NDFIP2: variants seen among roughly 807,000 people sequenced by gnomAD.
The protein encoded by NDFIP2 is Nedd4 family interacting protein 2, also known as NEDD4 family-interacting protein 2.
A neutral mutation model predicts 36.0 loss-of-function variants in NDFIP2; 19 were observed. That is an observed-to-expected ratio of 0.53 (90% CI 0.37 to 0.77). The LOEUF is 0.77. Ranked by LOEUF, NDFIP2 falls within the 30% of genes least tolerant of loss-of-function variation. NDFIP2 has a pLI of 0.00. For missense variants in NDFIP2, 446 were observed against 435.8 expected (o/e 1.02, Z -0.21); for synonymous variants, 181 against 167.7 (o/e 1.08, Z -0.61).
intron 2 of NDFIP2, among the ~76,000 whole-genome samples, chr13:79,529,103 TGTGTCA>T (rs1874912552): frequency 6.6e-6 from 1 of 152,200 alleles, no homozygotes; most frequent in Non-Finnish European, 1.5e-5. Context: ...ACAGCCCTGC[TGTGTCA>T]GTTTTATGGA....
chr13:79,484,311 G>A (rs1467766575), intron 1 of NDFIP2, among the ~76,000 whole-genome samples: 10 of 152,238 alleles, frequency 6.6e-5, no homozygotes, highest in African/African-American at 1.9e-4. Context: ...CACAGAGCCC[G>A]GCCAAAGTTC....
intron 1 of NDFIP2, among the ~76,000 whole-genome samples, chr13:79,489,874 T>A (rs2140732575): frequency 6.6e-6 from 1 of 152,346 alleles, no homozygotes; most frequent in South Asian, 2.1e-4. Context: ...TATAATTGTT[T>A]CATGAAAGCA....
In NDFIP2 at chr13:79,481,415, C is replaced by T. The variant is rs371311268; in HGVS notation, c.212C>T (p.Thr71Met). Reference protein sequence around the residue: ...GRGPAATTSSTGVAVGAEHGE... With the variant: ...GRGPAATTSSMGVAVGAEHGE... ...GGCCCTGCGGCGACGACGTCGTCGACGGGGGTGGCCGTGGGAGCTGAGCAC... is the reference window on the plus strand; with the variant it reads ...GGCCCTGCGGCGACGACGTCGTCGATGGGGGTGGCCGTGGGAGCTGAGCAC... The change falls in exon 1 of 8, where the codon ACG becomes ATG. Residue 71 changes from threonine (T) to methionine (M), a missense_variant. This residue lies in a region of NDFIP2 where 369 missense variants were observed against 304.8 expected (regional missense o/e 1.21). Transcript: ENST00000218652. 3 of 1,557,560 alleles carry T rather than the reference C, an allele frequency of 1.9e-6. No homozygotes were observed. The highest frequency in any genetic ancestry group is 1.7e-6 in the Non-Finnish European group (2 of 1,150,500).
chr13:79,547,312 G>A (rs1378744044), intron 5 of NDFIP2, among the ~76,000 whole-genome samples: 1 of 151,978 alleles, frequency 6.6e-6, no homozygotes, highest in Non-Finnish European at 1.5e-5. Flanking sequence ...TACTTATAAA[G>A]TTACAAATAC....
chr13:79,530,057 A>G (rs752864414), intron 2 of NDFIP2, among the ~76,000 whole-genome samples: 30 of 152,240 alleles, frequency 2.0e-4, no homozygotes, highest in Non-Finnish European at 3.7e-4. Flanking sequence ...GTGAGTCATA[A>G]TCTTTTTCCT....
rs1454505674 is a variant in NDFIP2 at position 79,486,635 on chromosome 13, A to G, written c.321+5111A>G. Among the ~76,000 whole-genome samples, 3 of 152,238 alleles carry G rather than the reference A, an allele frequency of 2.0e-5. 1 individual carries two copies. The highest frequency in any genetic ancestry group is 4.4e-5 in the Non-Finnish European group (3 of 68,034). On this transcript the variant is annotated intron_variant, in intron 1 of 7. Transcript: ENST00000218652. ...GTAACCCAAACCACCTTTGACATGT[A>G]GAGCAGAGATCAGCAAACTGTGGTC... is the stretch of plus-strand genomic sequence containing the variant.
At chr13:79,551,631 GTTA>G (rs1228340301) in intron 7 of NDFIP2, among the ~76,000 whole-genome samples, 1 of 151,486 alleles carries the variant, frequency 6.6e-6, no homozygotes, top group African/African-American at 2.4e-5. Context: ...AAATAGTTCT[GTTA>G]TTGTTTTCTT....
At chr13:79,501,302 T>G (rs1370257664) in intron 1 of NDFIP2, among the ~76,000 whole-genome samples, 1 of 152,014 alleles carries the variant, frequency 6.6e-6, no homozygotes, top group African/African-American at 2.4e-5. Context: ...ATGTAAACTA[T>G]AGACTTTGGG....
At chr13:79,538,593 T>C (rs963185590) in intron 3 of NDFIP2, among the ~76,000 whole-genome samples, 2 of 152,100 alleles carry the variant, frequency 1.3e-5, no homozygotes, top group African/African-American at 4.8e-5. Context: ...AGTTCCAAGA[T>C]AATATTTTTT....
chr13:79,488,571 G>A (rs1277716713), intron 1 of NDFIP2, among the ~76,000 whole-genome samples: 1 of 152,074 alleles, frequency 6.6e-6, no homozygotes, highest in Non-Finnish European at 1.5e-5. Context: ...ATGTTTTTGA[G>A]TGCCCTTTGT....
intron 1 of NDFIP2, among the ~76,000 whole-genome samples, chr13:79,486,774 A>T (rs1259835531): frequency 6.6e-6 from 1 of 152,194 alleles, no homozygotes; most frequent in East Asian, 1.9e-4. Flanking sequence ...TCAATGAGGG[A>T]CCTTATATAC....
chr13:79,539,685 C>G lies in NDFIP2; in HGVS notation c.625C>G (p.Gln209Glu). The G allele has an allele frequency of 6.2e-7, 1 of 1,612,192 alleles. No individual in the cohort carries two copies. Among genetic ancestry groups the G allele is most frequent in the Non-Finnish European group, 8.5e-7 (1 of 1,178,586 alleles). The change falls in exon 4 of 8, where the codon CAG becomes GAG. Residue 209 changes from glutamine to glutamate, a missense_variant. Gln to Glu is a conservative substitution (Grantham distance 29). Around this residue, in one of 2 missense-constraint regions of NDFIP2, gnomAD observed 369 missense variants for 304.8 expected, o/e 1.21. Coordinates refer to ENST00000218652, the MANE Select transcript of NDFIP2 (RefSeq NM_019080.3). ...AAAAETSQRI[Q>E]EEECPPRDDF... is the part of the protein sequence containing the mutation. ...TTCCAATGTTACATATTTACAGATTCAGGAGGAAGAGTGTCCACCAAGAGA... is the reference window on the plus strand; with the variant it reads ...TTCCAATGTTACATATTTACAGATTGAGGAGGAAGAGTGTCCACCAAGAGA...
intron 4 of NDFIP2, 137 bp downstream of exon 4, chr13:79,539,912 G>C (rs1875391119): frequency 1.5e-6 from 1 of 662,098 alleles, no homozygotes; most frequent in Non-Finnish European, 2.6e-6. Context: ...CCTGATATTG[G>C]ACTAATGAAT....
chr13:79,513,175 AT>A (rs1425409028), intron 1 of NDFIP2, among the ~76,000 whole-genome samples: 1 of 152,184 alleles, frequency 6.6e-6, no homozygotes, highest in East Asian at 1.9e-4. Context: ...GAGTATCCTG[AT>A]TAATGTAGTT....
At chr13:79,537,049 A>ATTT (rs78520083) in intron 3 of NDFIP2, among the ~76,000 whole-genome samples, 2 of 146,870 alleles carry the variant, frequency 1.4e-5, no homozygotes, top group South Asian at 4.3e-4. Flanking sequence ...TCTTGTCTTA[A>ATTT]TTTTTTTTTT....
chr13:79,486,728 T>C (rs1594837933), intron 1 of NDFIP2, among the ~76,000 whole-genome samples: 2 of 152,292 alleles, frequency 1.3e-5, no homozygotes, highest in East Asian at 3.9e-4. Flanking sequence ...GGTGGTAGGG[T>C]TGAGGACATT....
intron 6 of NDFIP2, among the ~76,000 whole-genome samples, chr13:79,550,572 T>A (rs1414156): frequency 1.3e-5 from 2 of 150,816 alleles, no homozygotes; most frequent in Non-Finnish European, 3.0e-5. Flanking sequence ...TTTTTCCTCA[T>A]AATTGTTAGT....
At chr13:79,498,904 C>T (rs1289150313) in intron 1 of NDFIP2, among the ~76,000 whole-genome samples, 1 of 151,942 alleles carries the variant, frequency 6.6e-6, no homozygotes, top group Non-Finnish European at 1.5e-5. Context: ...AAGGCTAACT[C>T]ATTCTCTGAG....
At chr13:79,497,794 G>GT (rs1297971012) in intron 1 of NDFIP2, among the ~76,000 whole-genome samples, 708 of 59,074 alleles carry the variant, frequency 0.012, 5 homozygotes, top group African/African-American at 0.025. Context: ...TATCTGTGGG[G>GT]GGTGTGTGTG....
Sources: gnomAD v4.1 joint callset for allele counts (sites outside exome capture counted in the v4.1 genomes callset) on GRCh38, gnomAD v4.1.1 for gene constraint, gnomAD v4.1.1 regional missense constraint, MANE v1.5 for transcripts, NCBI Gene and HGNC (gene_info 2026-07-23, HGNC 2026-07-21) for gene names.